PRMT8: variants seen among roughly 807,000 people sequenced by gnomAD.
PRMT8 encodes the protein protein arginine N-methyltransferase 8.
Under a neutral mutation model 47.1 loss-of-function variants are expected in PRMT8, and 7 were observed. The ratio of observed to expected loss-of-function variants is 0.15; its 90% CI spans 0.08 to 0.28. The LOEUF (loss-of-function observed/expected upper bound fraction) is 0.28. Among genes scored for constraint, PRMT8 ranks in the 10% least tolerant of loss-of-function variants. PRMT8 has a pLI of 1.00. For synonymous variants in PRMT8, 188 were observed against 186.5 expected, an observed-to-expected ratio of 1.01 and a Z score of -0.07; for missense variants, 237 against 505.4, an observed-to-expected ratio of 0.47 and a Z score of 5.09.
At position 3,550,025 on chromosome 12, in the gene PRMT8, T is replaced by C; in HGVS notation, c.351T>C (p.Asp117=). 6.2e-7 allele frequency: 1 copy of C among 1,614,190 alleles called. No homozygotes were observed. The highest frequency in any genetic ancestry group is 8.5e-7 in the Non-Finnish European group (1 of 1,180,038). Reference sequence around the variant, plus strand: ...TGTTCAAGGACAAAGTGGTACTGGATGTGGGGAGTGGTACTGGGATCCTTT... The same window carrying C: ...TGTTCAAGGACAAAGTGGTACTGGACGTGGGGAGTGGTACTGGGATCCTTT... The part of the protein sequence containing the change: ...KHVFKDKVVL[D]VGSGTGILSM... Residue 117 remains aspartate (D), a synonymous_variant, in exon 3 of 10, where the codon GAT becomes GAC. Transcript: ENST00000382622. This position sits in a 1 kb window ranked among gnomAD's most constrained non-coding sequence, Gnocchi z 5.1.
At chr12:3,399,465 G>A (rs1864296134) in intron 1 of PRMT8, among the ~76,000 whole-genome samples, 1 of 152,170 alleles carries the variant, frequency 6.6e-6, no homozygotes, top group Admixed American at 6.5e-5. Context: ...AGAATAACCA[G>A]TATTCCTCTG....
chr12:3,388,511 C>A (rs114356764), intron 1 of PRMT8, among the ~76,000 whole-genome samples: 1 of 152,194 alleles, frequency 6.6e-6, no homozygotes, highest in African/African-American at 2.4e-5. Flanking sequence ...GTGTGAATAC[C>A]CCTCATCAGG....
intron 4 of PRMT8, among the ~76,000 whole-genome samples, chr12:3,555,161 C>T (rs991404362): frequency 1.3e-5 from 2 of 152,232 alleles, no homozygotes; most frequent in Non-Finnish European, 2.9e-5. Flanking sequence ...ATGGAATCCA[C>T]ATTCCATTTA....
At chr12:3,527,559 C>G (rs761864954) in intron 1 of PRMT8, among the ~76,000 whole-genome samples, 3 of 152,114 alleles carry the variant, frequency 2.0e-5, no homozygotes, top group Non-Finnish European at 4.4e-5. Flanking sequence ...TAAAGGGAGA[C>G]TACTGTATAG....
chr12:3,439,218 C>T (rs1864773878), intron 1 of PRMT8, among the ~76,000 whole-genome samples: 1 of 152,184 alleles, frequency 6.6e-6, no homozygotes, highest in Admixed American at 6.5e-5. Context: ...TTTATCTCAA[C>T]TTTGTATGAC....
At chr12:3,534,404 C>T (rs1257144411) in intron 1 of PRMT8, among the ~76,000 whole-genome samples, 3 of 152,192 alleles carry the variant, frequency 2.0e-5, no homozygotes, top group Non-Finnish European at 2.9e-5. Flanking sequence ...GCTGCCTTCC[C>T]CCTTCAGATG....
intron 2 of PRMT8, among the ~76,000 whole-genome samples, chr12:3,542,549 C>T (rs1378291175): frequency 3.3e-5 from 5 of 152,224 alleles, no homozygotes. Flanking sequence ...GCCTGTGGCT[C>T]TGGGTACCCA....
At chr12:3,547,753 A>G (rs1267352971) in intron 2 of PRMT8, among the ~76,000 whole-genome samples, 2 of 152,246 alleles carry the variant, frequency 1.3e-5, no homozygotes, top group Non-Finnish European at 2.9e-5. Flanking sequence ...CATTCCAGAG[A>G]TAAATGAAAG....
intron 1 of PRMT8, among the ~76,000 whole-genome samples, chr12:3,415,606 A>G (rs910062621): frequency 1.3e-5 from 2 of 152,220 alleles, no homozygotes; most frequent in Non-Finnish European, 2.9e-5. Context: ...GACCAAATAA[A>G]TATTTCACAC....
intron 1 of PRMT8, among the ~76,000 whole-genome samples, chr12:3,395,540 C>T (rs1020871297): frequency 1.3e-5 from 2 of 151,930 alleles, no homozygotes; most frequent in African/African-American, 2.4e-5. Context: ...GATTCTTAAT[C>T]CTGAGTTCTA....
Position 3,538,538 on chromosome 12 carries a change from G to T in PRMT8, c.76-2068G>T. On this transcript the variant is annotated intron_variant, in intron 1 of 9. Coordinates refer to ENST00000382622, the MANE Select transcript of PRMT8 (RefSeq NM_019854.5). The surrounding 1 kb of genome is among the most constrained non-coding windows in gnomAD (Gnocchi z 4.6). ...GGAGTCCCAGGAAGCACATGGAAAAGAGAGCCTTGGAACCAGAGTGGAGTG... is the reference window on the plus strand; with the variant it reads ...GGAGTCCCAGGAAGCACATGGAAAATAGAGCCTTGGAACCAGAGTGGAGTG... 1 of 486,764 alleles carries T rather than the reference G, an allele frequency of 2.1e-6. No individual in the cohort carries two copies. Among genetic ancestry groups the T allele is most frequent in the Non-Finnish European group, 4.1e-6 (1 of 244,036 alleles). The allele number at this position is 486,764 out of a possible 1,614,324, so 30.2% of individuals were successfully genotyped here. A position where few individuals can be genotyped will look rare whatever the true frequency, so the allele number is the denominator to read the frequency against.
In PRMT8 at chr12:3,576,800, A is replaced by G; in HGVS notation, c.713-71A>G. 1 of 1,206,626 alleles carries G rather than the reference A, an allele frequency of 8.3e-7. No homozygotes were observed. Among genetic ancestry groups the G allele is most frequent in the Non-Finnish European group, 1.2e-6 (1 of 818,380 alleles). 74.7% of individuals were successfully genotyped at this position (1,206,626 alleles called of 1,614,324 possible). The stretch of plus-strand genomic sequence containing the variant: ...TCAGCCCTCAGGCACGCTGTGCTCT[A>G]GGACTCAGGAGGGTTGGGTGAGCTT... On this transcript the variant is annotated intron_variant, in intron 6 of 9. Coordinates refer to ENST00000382622, the MANE Select transcript of PRMT8 (RefSeq NM_019854.5). This position sits in a 1 kb window ranked among gnomAD's most constrained non-coding sequence, Gnocchi z 4.0.
intron 1 of PRMT8, among the ~76,000 whole-genome samples, chr12:3,455,352 C>A (rs111848481): frequency 6.6e-6 from 1 of 152,084 alleles, no homozygotes; most frequent in Non-Finnish European, 1.5e-5. Flanking sequence ...AGGGGAGGTG[C>A]CTTCTAGCCT....
chr12:3,464,361 A>C (rs1269480447), intron 1 of PRMT8, among the ~76,000 whole-genome samples: 2 of 152,188 alleles, frequency 1.3e-5, no homozygotes, highest in East Asian at 1.9e-4. Flanking sequence ...AAGAAAAAAA[A>C]CAAAAACCCT....
intron 4 of PRMT8, among the ~76,000 whole-genome samples, chr12:3,563,885 A>C (rs1198478385): frequency 2.0e-5 from 3 of 152,158 alleles, no homozygotes; most frequent in Non-Finnish European, 2.9e-5. Flanking sequence ...TTTTACTGTC[A>C]CAATTAGGAC....
upstream of PRMT8, among the ~76,000 whole-genome samples, chr12:3,488,478 C>T (rs1220465348): frequency 2.0e-5 from 3 of 152,106 alleles, no homozygotes; most frequent in African/African-American, 4.8e-5. Flanking sequence ...CTCTCTGAAC[C>T]CCTTATCATC....
At chr12:3,546,798 A>G (rs1338434479) in intron 2 of PRMT8, among the ~76,000 whole-genome samples, 2 of 152,202 alleles carry the variant, frequency 1.3e-5, no homozygotes, top group Non-Finnish European at 2.9e-5. Context: ...AGCAGAGAAC[A>G]CTTCCTAACT....
At chr12:3,411,025 C>T (rs1025144828) in intron 1 of PRMT8, among the ~76,000 whole-genome samples, 33 of 152,328 alleles carry the variant, frequency 2.2e-4, no homozygotes, top group African/African-American at 6.5e-4. Flanking sequence ...GGGTAGGCCA[C>T]CTTAATTCAG....
intron 8 of PRMT8, among the ~76,000 whole-genome samples, chr12:3,584,688 C>T (rs1867134245): frequency 6.6e-6 from 1 of 152,206 alleles, no homozygotes; most frequent in South Asian, 2.1e-4. Flanking sequence ...TATCATTCCA[C>T]CAAATTTCAG....
Sources: allele counts gnomAD v4.1 joint callset (sites outside exome capture counted in the v4.1 genomes callset), GRCh38; gene constraint gnomAD v4.1.1; non-coding constraint Gnocchi (gnomAD v3.1); transcripts MANE v1.5; gene names NCBI Gene and HGNC (gene_info 2026-07-23, HGNC 2026-07-21).